PRMT3: variants seen among roughly 807,000 people sequenced by gnomAD.
PRMT3 encodes the protein protein arginine N-methyltransferase 3.
PRMT3 carries 62 observed loss-of-function variants against 71.9 expected under a neutral mutation model. That is an observed-to-expected ratio of 0.86 (90% CI 0.70 to 1.07). The LOEUF is 1.07. Ranked by LOEUF, PRMT3 falls within the 50% of genes least tolerant of loss-of-function variation. The pLI is 0.00. For missense variants in PRMT3, 663 were observed against 643.0 expected (o/e 1.03, Z -0.34); for synonymous variants, 213 against 220.4 (o/e 0.97, Z 0.30).
At chr11:20,498,417 G>A (rs892429115) in intron 15 of PRMT3, among the ~76,000 whole-genome samples, 4 of 152,242 alleles carry the variant, frequency 2.6e-5, no homozygotes, top group African/African-American at 9.6e-5. Flanking sequence ...GAAGAACAAA[G>A]AAATAACCTT....
chr11:20,480,124 C>T (rs1380009759), intron 13 of PRMT3, among the ~76,000 whole-genome samples: 2 of 152,102 alleles, frequency 1.3e-5, no homozygotes, highest in Non-Finnish European at 2.9e-5. Context: ...TCCATCTGGT[C>T]ATGGACATCA....
chr11:20,480,177 G>C (rs1850896601), intron 13 of PRMT3, among the ~76,000 whole-genome samples: 1 of 152,120 alleles, frequency 6.6e-6, no homozygotes, highest in African/African-American at 2.4e-5. Flanking sequence ...TGGGAAAGGA[G>C]CATAAAAGAA....
At chr11:20,408,434 T>C (rs1047816025) in intron 9 of PRMT3, among the ~76,000 whole-genome samples, 2 of 152,144 alleles carry the variant, frequency 1.3e-5, no homozygotes, top group East Asian at 1.9e-4. Flanking sequence ...CTAAGAGTTA[T>C]TTGTCTTTTC....
intron 13 of PRMT3, among the ~76,000 whole-genome samples, chr11:20,491,791 G>GA (rs1851213881): frequency 1.3e-5 from 2 of 152,108 alleles, no homozygotes. Flanking sequence ...GATCTCACCT[G>GA]AAAATGCGTA....
intron 15 of PRMT3, among the ~76,000 whole-genome samples, chr11:20,501,189 T>A (rs893402548): frequency 2.0e-5 from 3 of 152,158 alleles, no homozygotes; most frequent in Admixed American, 1.3e-4. Flanking sequence ...CTTTCTTGAT[T>A]CCCCAGATAA....
intron 10 of PRMT3, among the ~76,000 whole-genome samples, chr11:20,438,675 C>G (rs12794343): frequency 0.035 from 5,365 of 152,226 alleles, 138 homozygotes; most frequent in Middle Eastern, 0.082. Flanking sequence ...ATCCACTTCA[C>G]CATAGACCTG....
At chr11:20,404,445 G>C (rs749713655) in intron 8 of PRMT3, among the ~76,000 whole-genome samples, 2 of 151,574 alleles carry the variant, frequency 1.3e-5, no homozygotes, top group Non-Finnish European at 2.9e-5. Flanking sequence ...TGTTGGTCAG[G>C]ATGGCCTTGA....
intron 11 of PRMT3, among the ~76,000 whole-genome samples, chr11:20,458,875 A>G (rs2133396477): frequency 6.6e-6 from 1 of 152,320 alleles, no homozygotes; most frequent in South Asian, 2.1e-4. Flanking sequence ...CAACAATTTC[A>G]AAATTGTTTT....
chr11:20,440,489 C>CAAAAAAAAAAAAAAAAA (rs55801324), intron 10 of PRMT3, among the ~76,000 whole-genome samples: 2 of 115,960 alleles, frequency 1.7e-5, no homozygotes, highest in East Asian at 2.5e-4. Context: ...ACTAAAAATA[C>CAAAAAAAAAAAAAAAAA]AAAAAAAAAA....
chr11:20,446,768 C>A (rs777375206), intron 10 of PRMT3, among the ~76,000 whole-genome samples: 2 of 152,114 alleles, frequency 1.3e-5, no homozygotes, highest in Non-Finnish European at 2.9e-5. Context: ...TGTATATATA[C>A]AGATGCCAAC....
chr11:20,403,984 T>C (rs1849006991), intron 8 of PRMT3, among the ~76,000 whole-genome samples: 1 of 152,106 alleles, frequency 6.6e-6, no homozygotes, highest in African/African-American at 2.4e-5. Flanking sequence ...TTAAGAGCAG[T>C]GTTTCACTTG....
intron 13 of PRMT3, among the ~76,000 whole-genome samples, chr11:20,486,002 C>G (rs999191560): frequency 1.2e-4 from 19 of 152,146 alleles, no homozygotes; most frequent in African/African-American, 4.1e-4. Context: ...TTTGGCATAT[C>G]CATGCAATGG....
intron 13 of PRMT3, among the ~76,000 whole-genome samples, chr11:20,485,653 T>C (rs1251599992): frequency 2.0e-5 from 3 of 152,012 alleles, no homozygotes; most frequent in Non-Finnish European, 2.9e-5. Flanking sequence ...CCTGGAGACA[T>C]GCAAGAATGA....
At chr11:20,421,008 G>A (rs1849413118) in intron 9 of PRMT3, among the ~76,000 whole-genome samples, 1 of 152,084 alleles carries the variant, frequency 6.6e-6, no homozygotes, top group African/African-American at 2.4e-5. Context: ...TGCTGAATAC[G>A]TAATTAATCA....
chr11:20,400,610 T>C (rs1352633555), intron 7 of PRMT3, among the ~76,000 whole-genome samples: 3 of 152,198 alleles, frequency 2.0e-5, no homozygotes, highest in Non-Finnish European at 4.4e-5. Flanking sequence ...CTCTTTATTG[T>C]ATCTGCACCT....
At chr11:20,444,211 C>G (rs1849972580) in intron 10 of PRMT3, among the ~76,000 whole-genome samples, 1 of 151,916 alleles carries the variant, frequency 6.6e-6, no homozygotes, top group Admixed American at 6.6e-5. Flanking sequence ...CCCTGGTCCC[C>G]AAAAAAATGT....
intron 11 of PRMT3, among the ~76,000 whole-genome samples, chr11:20,453,301 T>A (rs1850192285): frequency 7.5e-6 from 1 of 134,026 alleles, no homozygotes. Flanking sequence ...ACCAATATAG[T>A]GAAACCCCGT....
At chr11:20,468,517 C>T (rs998361903) in intron 13 of PRMT3, among the ~76,000 whole-genome samples, 4 of 152,118 alleles carry the variant, frequency 2.6e-5, no homozygotes, top group South Asian at 2.1e-4. Context: ...TGCAGATGTG[C>T]GCCACCACAG....
At chr11:20,420,452 C>A (rs1482259832) in intron 9 of PRMT3, among the ~76,000 whole-genome samples, 2 of 152,182 alleles carry the variant, frequency 1.3e-5, no homozygotes, top group Non-Finnish European at 2.9e-5. Context: ...GGAATTGGGC[C>A]ACACAGCAGG....
Sources: gnomAD v4.1 joint callset for allele counts (sites outside exome capture counted in the v4.1 genomes callset) on GRCh38, gnomAD v4.1.1 for gene constraint, MANE v1.5 for transcripts, NCBI Gene and HGNC (gene_info 2026-07-23, HGNC 2026-07-21) for gene names.